SGTB: variants seen among roughly 807,000 people sequenced by gnomAD.
The protein encoded by SGTB is small glutamine rich tetratricopeptide repeat co-chaperone beta, also known as small glutamine-rich tetratricopeptide repeat-containing protein beta.
In SGTB, 19 loss-of-function variants were observed where a neutral mutation model predicts 43.9. That is an observed-to-expected ratio of 0.43 (90% CI 0.30 to 0.63). The LOEUF is 0.63. SGTB is among the 30% of genes least tolerant of loss of function. The pLI, the probability that SGTB is intolerant of heterozygous loss-of-function variation, is 0.12. For missense variants in SGTB, 304 were observed against 358.9 expected (o/e 0.85, Z 1.24); for synonymous variants, 116 against 117.3 (o/e 0.99, Z 0.07).
intron 5 of SGTB, among the ~76,000 whole-genome samples, chr5:65,691,669 A>T (rs1304327646): frequency 6.8e-6 from 1 of 147,280 alleles, no homozygotes; most frequent in African/African-American, 2.5e-5. Context: ...GGCCGGGCGC[A>T]GTGCCTCACG....
chr5:65,713,271 C>T (rs958792584), intron 2 of SGTB, among the ~76,000 whole-genome samples: 16 of 152,040 alleles, frequency 1.1e-4, no homozygotes, highest in African/African-American at 3.1e-4. Flanking sequence ...CCTTCCTCCC[C>T]CTCACACTCT....
In SGTB at chr5:65,669,067, A is replaced by C. The variant is rs529435912; in HGVS notation, c.*1179T>G. 2 of 152,310 alleles carry C rather than the reference A, an allele frequency of 1.3e-5. No individual in the cohort carries two copies. Among genetic ancestry groups the C allele is most frequent in the East Asian group, 3.9e-4 (2 of 5,182 alleles). The allele number at this position is 152,310 out of a possible 1,614,324, so 9.4% of individuals were successfully genotyped here. A position where few individuals can be genotyped will look rare whatever the true frequency, so the allele number is the denominator to read the frequency against. On this transcript the variant is annotated 3_prime_UTR_variant, in exon 11 of 11. Transcript: ENST00000381007. ...CAATGTAGTTAGACCCATGCAATTA[A>C]TACCTAATGCCCCTTTTCTCCACTA...
intron 5 of SGTB, among the ~76,000 whole-genome samples, chr5:65,702,461 G>A (rs1185344935): frequency 6.6e-6 from 1 of 152,202 alleles, no homozygotes; most frequent in African/African-American, 2.4e-5. Context: ...ACAAAAGCCA[G>A]ATGGTAAAAG....
chr5:65,667,206 G>A lies in SGTB; in HGVS notation c.*3040C>T, dbSNP rs1304440185. The A allele has an allele frequency of 6.6e-6, 1 of 151,906 alleles. No homozygotes were observed. The highest frequency in any genetic ancestry group is 1.5e-5 in the Non-Finnish European group (1 of 67,980). 9.4% of individuals were successfully genotyped at this position (151,906 alleles called of 1,614,324 possible). A position where few individuals can be genotyped will look rare whatever the true frequency, so the allele number is the denominator to read the frequency against. On this transcript the variant is annotated 3_prime_UTR_variant, in exon 11 of 11. Transcript: ENST00000381007. ...AATATACAATCCTTGAGTTGGTCATGGTGTTTTCTAGTTAGCCTTTTAATA... is the reference window on the plus strand; with the variant it reads ...AATATACAATCCTTGAGTTGGTCATAGTGTTTTCTAGTTAGCCTTTTAATA...
Position 65,670,208 on chromosome 5 carries a change from T to C in SGTB, c.*38A>G. ...ACAACAAATACTTCATTCATAGCCA[T>C]AAACCATTTGTATCTTGGGCTTGAG... On this transcript the variant is annotated 3_prime_UTR_variant, in exon 11 of 11. Coordinates refer to ENST00000381007, the MANE Select transcript of SGTB (RefSeq NM_019072.3). 6.3e-7 allele frequency: 1 copy of C among 1,586,510 alleles called. No homozygotes were observed. The highest frequency in any genetic ancestry group is 8.7e-7 in the Non-Finnish European group (1 of 1,155,438).
intron 2 of SGTB, among the ~76,000 whole-genome samples, chr5:65,716,052 G>A (rs528394212): frequency 9.9e-5 from 15 of 152,224 alleles, no homozygotes; most frequent in Non-Finnish European, 1.9e-4. Flanking sequence ...TTACAGGTGT[G>A]AGCCACCGCA....
intron 4 of SGTB, among the ~76,000 whole-genome samples, chr5:65,708,181 G>A (rs970425176): frequency 1.3e-5 from 2 of 152,182 alleles, no homozygotes; most frequent in East Asian, 3.8e-4. Context: ...CTCTTTTTAA[G>A]TTAAAGAAGA....
At chr5:65,714,938 G>A (rs1014129573) in intron 2 of SGTB, among the ~76,000 whole-genome samples, 1 of 152,194 alleles carries the variant, frequency 6.6e-6, no homozygotes, top group Non-Finnish European at 1.5e-5. Context: ...GGAGAATAAC[G>A]TAACTAAATT....
chr5:65,683,503 G>A (rs1436805955), intron 6 of SGTB, among the ~76,000 whole-genome samples: 1 of 152,134 alleles, frequency 6.6e-6, no homozygotes, highest in Non-Finnish European at 1.5e-5. Context: ...GCAGAGAGAA[G>A]ACAAAGAAAC....
At chr5:65,672,025 G>A in intron 9 of SGTB, 27 bp from the exon 10 acceptor site, 1 of 1,608,888 alleles carries the variant, frequency 6.2e-7, no homozygotes. Flanking sequence ...ATACATCACT[G>A]GGATTGGTAT....
At chr5:65,703,462 T>G (rs1280908134) in intron 5 of SGTB, among the ~76,000 whole-genome samples, 1 of 152,172 alleles carries the variant, frequency 6.6e-6, no homozygotes. Context: ...TTCCAGCACT[T>G]TGGGAGGCCA....
chr5:65,670,211 A>T lies in SGTB; in HGVS notation c.*35T>A. The T allele has an allele frequency of 6.3e-7, 1 of 1,591,676 alleles. No individual in the cohort carries two copies. The highest frequency in any genetic ancestry group is 2.2e-5 in the East Asian group (1 of 44,780). ...ACAAATACTTCATTCATAGCCATAA[A>T]CCATTTGTATCTTGGGCTTGAGCCC... is the stretch of plus-strand genomic sequence containing the variant. On this transcript the variant is annotated 3_prime_UTR_variant, in exon 11 of 11. Transcript: ENST00000381007.
chr5:65,703,630 G>A (rs541335656), intron 5 of SGTB, among the ~76,000 whole-genome samples: 2 of 152,240 alleles, frequency 1.3e-5, no homozygotes, highest in South Asian at 4.1e-4. Flanking sequence ...AGGCTGAGGT[G>A]GGAGAATGAC....
intron 3 of SGTB, among the ~76,000 whole-genome samples, chr5:65,709,301 TCA>T (rs936295221): frequency 4.6e-5 from 7 of 151,956 alleles, no homozygotes; most frequent in Non-Finnish European, 1.0e-4. Context: ...ATAAATATGT[TCA>T]CACACACATT....
intron 5 of SGTB, among the ~76,000 whole-genome samples, chr5:65,692,499 A>T (rs1225614979): frequency 6.6e-6 from 1 of 152,204 alleles, no homozygotes; most frequent in Non-Finnish European, 1.5e-5. Flanking sequence ...TCATAACAAA[A>T]TTTAACTTAA....
chr5:65,708,898 A>G (rs772525001), intron 3 of SGTB, among the ~76,000 whole-genome samples: 3 of 151,904 alleles, frequency 2.0e-5, no homozygotes, highest in Non-Finnish European at 4.4e-5. Flanking sequence ...AAAATTAACA[A>G]GGTGTGGTGG....
At chr5:65,705,795 A>G (rs1240970857) in intron 4 of SGTB, among the ~76,000 whole-genome samples, 7 of 151,828 alleles carry the variant, frequency 4.6e-5, no homozygotes, top group African/African-American at 1.7e-4. Context: ...TGGGAGGGCA[A>G]GGCAGGAGTA....
In SGTB at chr5:65,701,495, T is replaced by G. The variant is rs956890953; in HGVS notation, c.374+2784A>C. 5.3e-5 allele frequency among the ~76,000 whole-genome samples: 8 copies of G among 152,062 alleles called. No individual in the cohort carries two copies. In the South Asian group the frequency reaches 1.7e-3, roughly 31 times the overall value. Reference sequence around the variant, plus strand: ...AAAGGAAAAGAAAAATTGGACTACATAAATTTTTAAAACTTTTACATATGA... The same window carrying G: ...AAAGGAAAAGAAAAATTGGACTACAGAAATTTTTAAAACTTTTACATATGA... On this transcript the variant is annotated intron_variant, in intron 5 of 10. Transcript: ENST00000381007.
In SGTB at chr5:65,670,187, CA is replaced by C; in HGVS notation, c.*58del. 1 of 1,512,290 alleles carries C rather than the reference CA, an allele frequency of 6.6e-7. No individual in the cohort carries two copies. The highest frequency in any genetic ancestry group is 1.1e-5 in the South Asian group (1 of 87,700). 93.7% of individuals were successfully genotyped at this position (1,512,290 alleles called of 1,614,324 possible). On this transcript the variant is annotated 3_prime_UTR_variant, in exon 11 of 11. Transcript: ENST00000381007. The stretch of plus-strand genomic sequence containing the variant: ...AGGAGGGAGGGGGTACTATCTACAA[CA>C]AATACTTCATTCATAGCCATAAACC...
Sources: gnomAD v4.1 joint callset for allele counts (sites outside exome capture counted in the v4.1 genomes callset) on GRCh38, gnomAD v4.1.1 for gene constraint, MANE v1.5 for transcripts, NCBI Gene and HGNC (gene_info 2026-07-23, HGNC 2026-07-21) for gene names.